Variants in PDE4D observed in about 807,000 individuals in gnomAD.
PDE4D encodes the protein 3',5'-cyclic-AMP phosphodiesterase 4D.
Under a neutral mutation model 87.4 loss-of-function variants are expected in PDE4D, and 24 were observed. The ratio of observed to expected loss-of-function variants is 0.27; its 90% confidence interval spans 0.20 to 0.39. PDE4D has a LOEUF of 0.39. PDE4D is among the 10% of genes least tolerant of loss of function. PDE4D has a pLI of 1.00. For missense variants in PDE4D, 714 were observed against 1,041.0 expected (o/e 0.69, Z 4.32); for synonymous variants, 384 against 383.2 (o/e 1.00, Z -0.02).
At chr5:59,368,680 G>C (rs942322339) in intron 1 of PDE4D, among the ~76,000 whole-genome samples, 42 of 152,176 alleles carry the variant, frequency 2.8e-4, no homozygotes, top group Non-Finnish European at 4.4e-5. Context: ...TATGCAGGAA[G>C]AGTTGTGCTT....
intron 1 of PDE4D, among the ~76,000 whole-genome samples, chr5:59,862,828 C>A (rs1180529960): frequency 3.9e-5 from 6 of 152,096 alleles, no homozygotes; most frequent in African/African-American, 1.4e-4. Flanking sequence ...AATAAAAAGT[C>A]AGATGACAAG....
chr5:59,395,840 T>A (rs1419104240), intron 1 of PDE4D, among the ~76,000 whole-genome samples: 1 of 117,368 alleles, frequency 8.5e-6, no homozygotes, highest in African/African-American at 3.4e-5. Flanking sequence ...TTAAAAAAAA[T>A]TTAGAAGAAT....
At chr5:60,074,453 C>T (rs1290818401) in intron 2 of PDE4D, among the ~76,000 whole-genome samples, 2 of 151,990 alleles carry the variant, frequency 1.3e-5, no homozygotes, top group Admixed American at 6.6e-5. Context: ...AGAGTGTGTG[C>T]CATTTGGTGA....
intron 2 of PDE4D, among the ~76,000 whole-genome samples, chr5:60,049,576 C>T (rs1769816774): frequency 6.6e-6 from 1 of 152,078 alleles, no homozygotes; most frequent in African/African-American, 2.4e-5. Context: ...GTTAGTTTTC[C>T]TTCTAACAGA....
At chr5:60,325,683 C>A (rs1203591111) in intron 1 of PDE4D, among the ~76,000 whole-genome samples, 1 of 151,806 alleles carries the variant, frequency 6.6e-6, no homozygotes, top group African/African-American at 2.4e-5. Flanking sequence ...TATCTTTTAC[C>A]CAGTTTTCCC....
chr5:60,442,226 G>A (rs1455103712), intron 1 of PDE4D, among the ~76,000 whole-genome samples: 1 of 152,174 alleles, frequency 6.6e-6, no homozygotes, highest in Non-Finnish European at 1.5e-5. Context: ...TAAAGAAAAT[G>A]TGGCACATAT....
chr5:59,254,358 A>G (rs1309551730), intron 1 of PDE4D, among the ~76,000 whole-genome samples: 1 of 152,094 alleles, frequency 6.6e-6, no homozygotes, highest in Non-Finnish European at 1.5e-5. Flanking sequence ...TGAATAAAAC[A>G]TTTAAGAAAC....
intron 2 of PDE4D, among the ~76,000 whole-genome samples, chr5:60,047,772 G>T (rs1307124203): frequency 1.3e-5 from 2 of 152,110 alleles, no homozygotes; most frequent in Admixed American, 6.5e-5. Flanking sequence ...GCTGAGGAGA[G>T]CTTTACTTCC....
chr5:59,510,862 A>G (rs991153284), intron 1 of PDE4D, among the ~76,000 whole-genome samples: 6 of 151,990 alleles, frequency 3.9e-5, no homozygotes, highest in African/African-American at 1.2e-4. Flanking sequence ...ATCTGAAAAT[A>G]TAATTTCTCC....
At chr5:59,473,330 A>G (rs1212690128) in intron 1 of PDE4D, among the ~76,000 whole-genome samples, 6 of 152,080 alleles carry the variant, frequency 3.9e-5, no homozygotes, top group Non-Finnish European at 8.8e-5. Flanking sequence ...GAGAAATCAC[A>G]TAACTTATCA....
chr5:59,030,421 A>C (rs987122139), intron 6 of PDE4D, among the ~76,000 whole-genome samples: 2 of 135,358 alleles, frequency 1.5e-5, no homozygotes, highest in Non-Finnish European at 3.2e-5. Flanking sequence ...CAACAGAGAT[A>C]CAAAAAAAAA....
intron 1 of PDE4D, among the ~76,000 whole-genome samples, chr5:59,608,845 T>C (rs151310866): frequency 1.7e-3 from 263 of 152,280 alleles, no homozygotes; most frequent in Non-Finnish European, 3.1e-3. Flanking sequence ...AAGACTGTGT[T>C]TGACTTCTGT....
chr5:60,104,118 G>T (rs891278617), intron 2 of PDE4D, among the ~76,000 whole-genome samples: 1 of 152,202 alleles, frequency 6.6e-6, no homozygotes, highest in Non-Finnish European at 1.5e-5. Context: ...AAAGAAAGGG[G>T]TGACAGACAA....
At chr5:59,502,884 G>A (rs137878569) in intron 1 of PDE4D, among the ~76,000 whole-genome samples, 9 of 150,052 alleles carry the variant, frequency 6.0e-5, no homozygotes, top group East Asian at 5.8e-4. Context: ...ATAGGATAGA[G>A]GTGTTTTGTA....
chr5:59,312,739 C>T (rs1772942705), intron 1 of PDE4D, among the ~76,000 whole-genome samples: 1 of 152,150 alleles, frequency 6.6e-6, no homozygotes, highest in Non-Finnish European at 1.5e-5. Flanking sequence ...AATTAGCCTC[C>T]TCAGTCTTTT....
chr5:59,200,721 A>T (rs575764431), intron 2 of PDE4D, among the ~76,000 whole-genome samples: 1 of 138,474 alleles, frequency 7.2e-6, no homozygotes, highest in East Asian at 2.1e-4. Flanking sequence ...GTATACATAC[A>T]TATGTGTATG....
At chr5:60,350,574 T>C (rs1759095296) in intron 1 of PDE4D, among the ~76,000 whole-genome samples, 1 of 152,044 alleles carries the variant, frequency 6.6e-6, no homozygotes, top group Non-Finnish European at 1.5e-5. Context: ...CAGAAATGCG[T>C]CGATGGTTGG....
At chr5:60,330,206 A>C (rs2149866436) in intron 1 of PDE4D, among the ~76,000 whole-genome samples, 1 of 152,362 alleles carries the variant, frequency 6.6e-6, no homozygotes. Flanking sequence ...TTAATGACTC[A>C]ATTATGATGG....
At chr5:59,750,102 T>A (rs1760210750) in intron 1 of PDE4D, among the ~76,000 whole-genome samples, 1 of 149,176 alleles carries the variant, frequency 6.7e-6, no homozygotes, top group South Asian at 2.1e-4. Context: ...TTTTTTTTTT[T>A]TTAACTACTT....
Sources: gnomAD v4.1 joint callset for allele counts (sites outside exome capture counted in the v4.1 genomes callset) on GRCh38, gnomAD v4.1.1 for gene constraint, MANE v1.5 for transcripts, NCBI Gene and HGNC (gene_info 2026-07-23, HGNC 2026-07-21) for gene names.